MMS22L: variants seen among roughly 807,000 people sequenced by gnomAD.
MMS22L encodes the protein protein MMS22-like.
In MMS22L, 74 loss-of-function variants were observed where a neutral mutation model predicts 159.1. The observed-to-expected ratio is 0.47, with a 90% CI of 0.39 to 0.56. MMS22L has a LOEUF of 0.56. MMS22L is among the 20% of genes least tolerant of loss of function. The probability of loss-of-function intolerance (pLI) is 0.00; values close to 1 mark genes in which losing one functional copy is unlikely to be tolerated. For missense variants in MMS22L, 1,351 were observed against 1,422.1 expected, an observed-to-expected ratio of 0.95 and a Z score of 0.80; for synonymous variants, 517 against 506.9, an observed-to-expected ratio of 1.02 and a Z score of -0.27.
chr6:97,234,901 A>C (rs971234126), intron 11 of MMS22L, among the ~76,000 whole-genome samples: 3 of 152,212 alleles, frequency 2.0e-5, no homozygotes, highest in Admixed American at 2.0e-4. Flanking sequence ...AATGAGTGGA[A>C]AGTTCCTCAA....
At chr6:97,224,356 T>C (rs1056941436) in intron 14 of MMS22L, among the ~76,000 whole-genome samples, 4 of 152,286 alleles carry the variant, frequency 2.6e-5, no homozygotes, top group Non-Finnish European at 5.9e-5. Context: ...GAAATATTTT[T>C]CTAACACTCC....
intron 14 of MMS22L, among the ~76,000 whole-genome samples, chr6:97,226,821 G>A (rs1251301876): frequency 2.0e-5 from 3 of 152,164 alleles, no homozygotes; most frequent in Admixed American, 6.5e-5. Flanking sequence ...GAAGATGGGC[G>A]ACATAATTCT....
chr6:97,224,622 A>T (rs1451374085), intron 14 of MMS22L, among the ~76,000 whole-genome samples: 1 of 151,746 alleles, frequency 6.6e-6, no homozygotes, highest in Non-Finnish European at 1.5e-5. Flanking sequence ...ATAAGCAACT[A>T]CCCCTTTTTT....
chr6:97,168,084 G>A lies in MMS22L; in HGVS notation c.2996C>T (p.Pro999Leu). The change falls in exon 20 of 25, where the codon CCT (proline) becomes CTT (leucine). Residue 999 changes from proline (P) to leucine (L), a missense_variant. Physicochemically the swap from Pro to Leu is moderately conservative, Grantham distance 98 (BLOSUM62 -3). Coordinates refer to ENST00000683635, the MANE Select transcript of MMS22L (RefSeq NM_001350599.2). ...PMLSAIQKSL[P>L]LYLQGMCIVC... ...CAGATACTATACCTGGAGATACAAA[G>A]GAAGACTTTTCTGAATTGCTGACAA... 6.2e-7 allele frequency: 1 copy of A among 1,608,864 alleles called. No homozygotes were observed. The highest frequency in any genetic ancestry group is 1.1e-5 in the South Asian group (1 of 89,844).
chr6:97,260,355 T>C (rs761613017), intron 9 of MMS22L: 2 of 152,212 alleles, frequency 1.3e-5, no homozygotes, highest in East Asian at 1.9e-4. Flanking sequence ...ACTCTCTTCA[T>C]ATTTATCTCA....
rs994001359 is a variant in MMS22L at position 97,178,668 on chromosome 6, T to C, written c.2537-83A>G. 1.0e-4 allele frequency: 65 copies of C among 640,036 alleles called. No individual in the cohort carries two copies. In the Middle Eastern group the frequency reaches 2.3e-3, roughly 23 times the overall value. The allele number at this position is 640,036 out of a possible 1,614,324, so 39.6% of individuals were successfully genotyped here. ...CCACACATACAACATATATATAATG[T>C]ATATATGAGAAGTAATACAGTATTC... On this transcript the variant is annotated intron_variant, in intron 17 of 24. Coordinates refer to ENST00000683635, the MANE Select transcript of MMS22L (RefSeq NM_001350599.2).
At position 97,245,551 on chromosome 6, in the gene MMS22L, AAT is replaced by A. The variant is rs922700750; in HGVS notation, c.1182+1075_1182+1076del. On this transcript the variant is annotated intron_variant, in intron 11 of 24. Coordinates refer to ENST00000683635, the MANE Select transcript of MMS22L (RefSeq NM_001350599.2). ...AAAAAACTTTTTAAGTTACTAAATC[AAT>A]ATGTTCTCAAAAAAAATGAGGACAA... Among the ~76,000 whole-genome samples the A allele has an allele frequency of 2.8e-4, 43 of 152,310 alleles. 1 individual carries two copies. The highest frequency in any genetic ancestry group is 1.0e-3 in the African/African-American group (42 of 41,576).
At chr6:97,282,186 T>G in intron 2 of MMS22L, 128 bp downstream of exon 2, 1 of 870,898 alleles carries the variant, frequency 1.1e-6, no homozygotes, top group Non-Finnish European at 1.8e-6. Context: ...TGTACCCTTA[T>G]GATATACTAA....
At chr6:97,279,372 T>C (rs1381881916) in intron 3 of MMS22L, among the ~76,000 whole-genome samples, 1 of 152,158 alleles carries the variant, frequency 6.6e-6, no homozygotes, top group Non-Finnish European at 1.5e-5. Context: ...TAGTCCCAGC[T>C]ACTCGGGAGG....
chr6:97,175,185 A>C (rs1206913998), intron 18 of MMS22L, among the ~76,000 whole-genome samples: 1 of 152,206 alleles, frequency 6.6e-6, no homozygotes, highest in Non-Finnish European at 1.5e-5. Flanking sequence ...TTAGTGAAAG[A>C]CTATTTCCCA....
At chr6:97,174,324 A>G (rs1042641253) in intron 18 of MMS22L, among the ~76,000 whole-genome samples, 1 of 151,996 alleles carries the variant, frequency 6.6e-6, no homozygotes, top group African/African-American at 2.4e-5. Flanking sequence ...ACCATTTTTG[A>G]GAACTTATAA....
chr6:97,200,449 G>A (rs768233842), intron 14 of MMS22L, among the ~76,000 whole-genome samples: 1 of 152,050 alleles, frequency 6.6e-6, no homozygotes, highest in Non-Finnish European at 1.5e-5. Context: ...CCTCAAAGGC[G>A]TTTATTATAG....
At chr6:97,164,784 T>C (rs2128246007) in intron 21 of MMS22L, among the ~76,000 whole-genome samples, 1 of 152,018 alleles carries the variant, frequency 6.6e-6, no homozygotes, top group East Asian at 1.9e-4. Context: ...GTCCAACTAA[T>C]TTTTTTGTAT....
chr6:97,162,764 G>T (rs1487459024), intron 21 of MMS22L, among the ~76,000 whole-genome samples: 1 of 151,898 alleles, frequency 6.6e-6, no homozygotes. Flanking sequence ...ACTCAAGAGC[G>T]ATCATAAGGA....
intron 9 of MMS22L, among the ~76,000 whole-genome samples, chr6:97,256,302 TC>T (rs2128061152): frequency 6.6e-6 from 1 of 152,284 alleles, no homozygotes; most frequent in African/African-American, 2.4e-5. Flanking sequence ...AAAGAGTAGC[TC>T]ATTTATGTCC....
chr6:97,219,787 G>C (rs1809426126), intron 14 of MMS22L, among the ~76,000 whole-genome samples: 1 of 152,160 alleles, frequency 6.6e-6, no homozygotes, highest in Admixed American at 6.5e-5. Flanking sequence ...AAGGCAAAAA[G>C]CAAAACTTGC....
intron 14 of MMS22L, among the ~76,000 whole-genome samples, chr6:97,218,287 T>C (rs989682918): frequency 6.6e-6 from 1 of 152,182 alleles, no homozygotes; most frequent in Non-Finnish European, 1.5e-5. Flanking sequence ...ATGCATTAAA[T>C]CCATATCCTG....
At chr6:97,195,687 G>C (rs193217084) in intron 14 of MMS22L, among the ~76,000 whole-genome samples, 1 of 152,226 alleles carries the variant, frequency 6.6e-6, no homozygotes, top group African/African-American at 2.4e-5. Flanking sequence ...TCTTAAAGTG[G>C]TAAGAAGACA....
chr6:97,167,635 A>T (rs965824829), intron 20 of MMS22L, among the ~76,000 whole-genome samples: 3 of 151,700 alleles, frequency 2.0e-5, no homozygotes, highest in Non-Finnish European at 4.4e-5. Context: ...CTCCCATATG[A>T]CTCTCCAGCC....
Sources: allele counts gnomAD v4.1 joint callset (sites outside exome capture counted in the v4.1 genomes callset), GRCh38; gene constraint gnomAD v4.1.1; transcripts MANE v1.5; gene names NCBI Gene and HGNC (gene_info 2026-07-23, HGNC 2026-07-21).